The following MAML3 variants were observed in gnomAD, a reference collection of about 807,000 sequenced individuals.
MAML3 encodes the protein mastermind-like protein 3.
In MAML3, 27 loss-of-function variants were observed where a neutral mutation model predicts 101.9. The ratio of observed to expected loss-of-function variants is 0.27; its 90% CI spans 0.20 to 0.37. MAML3 has a LOEUF of 0.37. MAML3 is among the 10% of genes least tolerant of loss of function. The pLI, the probability that MAML3 is intolerant of heterozygous loss-of-function variation, is 1.00. For synonymous variants in MAML3, 501 were observed against 555.9 expected (o/e 0.90, Z 1.39); for missense variants, 1,316 against 1,444.9 (o/e 0.91, Z 1.45).
At chr4:140,059,360 G>A (rs909404995) in intron 1 of MAML3, among the ~76,000 whole-genome samples, 8 of 152,166 alleles carry the variant, frequency 5.3e-5, no homozygotes, top group Non-Finnish European at 8.8e-5. Flanking sequence ...CAGGGAGGGT[G>A]TTCCTTTCCC....
chr4:139,722,126 A>C (rs568318896), intron 4 of MAML3, among the ~76,000 whole-genome samples: 1 of 152,338 alleles, frequency 6.6e-6, no homozygotes, highest in Non-Finnish European at 1.5e-5. Context: ...ACTGTCTGGA[A>C]TAATTTTGTG....
intron 1 of MAML3, among the ~76,000 whole-genome samples, chr4:140,132,609 A>G (rs1728814172): frequency 6.6e-6 from 1 of 152,226 alleles, no homozygotes; most frequent in African/African-American, 2.4e-5. Context: ...AGAGTTGGCG[A>G]CCACTTTAAA....
intron 1 of MAML3, among the ~76,000 whole-genome samples, chr4:140,117,168 C>T (rs1026311079): frequency 6.6e-6 from 1 of 152,134 alleles, no homozygotes; most frequent in Non-Finnish European, 1.5e-5. Context: ...TTATTACAAG[C>T]AAAATCCTAA....
intron 1 of MAML3, among the ~76,000 whole-genome samples, chr4:139,902,974 C>G (rs1182892721): frequency 2.6e-5 from 4 of 152,194 alleles, no homozygotes; most frequent in African/African-American, 9.7e-5. Context: ...CCACAGACCT[C>G]TTCCAGTCCT....
intron 1 of MAML3, among the ~76,000 whole-genome samples, chr4:140,102,467 G>A (rs2110998142): frequency 6.6e-6 from 1 of 152,324 alleles, no homozygotes; most frequent in East Asian, 1.9e-4. Flanking sequence ...CTTGCAGATG[G>A]CCGCCTCCTA....
intron 1 of MAML3, among the ~76,000 whole-genome samples, chr4:139,934,858 A>C (rs547824293): frequency 6.6e-6 from 1 of 152,332 alleles, no homozygotes; most frequent in South Asian, 2.1e-4. Flanking sequence ...CTTTTTGCAG[A>C]GAGAAAATAA....
chr4:140,005,646 C>T (rs1726430511), intron 1 of MAML3, among the ~76,000 whole-genome samples: 1 of 152,214 alleles, frequency 6.6e-6, no homozygotes. Context: ...TACCCATCCT[C>T]CATCCTCCCA....
intron 2 of MAML3, among the ~76,000 whole-genome samples, chr4:139,784,582 G>A (rs896690696): frequency 3.3e-5 from 5 of 152,158 alleles, no homozygotes; most frequent in African/African-American, 1.2e-4. Context: ...GCGTGTGTGG[G>A]TCGCCTTTCT....
Position 139,870,222 on chromosome 4 carries a change from T to C in MAML3, c.2079+19135A>G, listed in dbSNP as rs548439108. ...GTTGTGCAGAGACTGTCCTGTACAT[T>C]GTAGGATATTTAGCAGCATCTCTGC... On this transcript the variant is annotated intron_variant, in intron 2 of 4. Transcript: ENST00000509479. Among the ~76,000 whole-genome samples the C allele has an allele frequency of 6.1e-4, 93 of 152,306 alleles. 1 individual carries two copies. Among genetic ancestry groups the C allele is most frequent in the African/African-American group, 2.2e-3 (91 of 41,552 alleles).
At chr4:139,922,583 A>G (rs1430276756) in intron 1 of MAML3, among the ~76,000 whole-genome samples, 2 of 152,250 alleles carry the variant, frequency 1.3e-5, no homozygotes, top group African/African-American at 4.8e-5. Context: ...AGAAGTTAGA[A>G]AAGTGAATCA....
intron 2 of MAML3, among the ~76,000 whole-genome samples, chr4:139,837,543 T>C (rs531777836): frequency 3.0e-4 from 45 of 151,836 alleles, no homozygotes; most frequent in African/African-American, 8.5e-4. Flanking sequence ...CAAAATCACT[T>C]TTACCGCAAG....
chr4:139,850,939 A>T (rs923717180), intron 2 of MAML3, among the ~76,000 whole-genome samples: 28 of 152,082 alleles, frequency 1.8e-4, no homozygotes, highest in Non-Finnish European at 5.9e-5. Flanking sequence ...CCTCTACCAA[A>T]ATGTAAGATA....
At chr4:139,931,499 T>TA (rs1207684166) in intron 1 of MAML3, among the ~76,000 whole-genome samples, 2 of 152,218 alleles carry the variant, frequency 1.3e-5, no homozygotes, top group Admixed American at 1.3e-4. Flanking sequence ...ATTAGGTTTT[T>TA]ATGCTTTAAT....
At chr4:139,808,961 TGA>T (rs759262930) in intron 2 of MAML3, among the ~76,000 whole-genome samples, 1 of 152,064 alleles carries the variant, frequency 6.6e-6, no homozygotes, top group East Asian at 1.9e-4. Context: ...TGTGTGTTTA[TGA>T]GAGAGAGAAA....
intron 1 of MAML3, among the ~76,000 whole-genome samples, chr4:140,126,890 C>T (rs1342713039): frequency 6.6e-6 from 1 of 152,176 alleles, no homozygotes; most frequent in African/African-American, 2.4e-5. Context: ...CAATGGACTC[C>T]TTAATATATT....
chr4:139,871,950 T>C (rs1322524133), intron 2 of MAML3, among the ~76,000 whole-genome samples: 1 of 152,226 alleles, frequency 6.6e-6, no homozygotes, highest in African/African-American at 2.4e-5. Context: ...TTTTATTTAT[T>C]TATTTTAGTT....
intron 2 of MAML3, among the ~76,000 whole-genome samples, chr4:139,773,610 C>T (rs55905093): frequency 0.053 from 8,103 of 152,080 alleles, 265 homozygotes; most frequent in Middle Eastern, 0.13. Flanking sequence ...AAAGGCTCAG[C>T]GTAAATGGGT....
intron 2 of MAML3, among the ~76,000 whole-genome samples, chr4:139,807,285 T>TTG (rs35966760): frequency 0.39 from 58,737 of 150,840 alleles, 11,485 homozygotes; most frequent in Admixed American, 0.43. Context: ...CGCTATTATT[T>TTG]TGTGTGTGTG....
chr4:140,119,339 T>C (rs549075396), intron 1 of MAML3, among the ~76,000 whole-genome samples: 365 of 152,314 alleles, frequency 2.4e-3, no homozygotes, highest in Non-Finnish European at 4.1e-3. Flanking sequence ...GGAACCCAGA[T>C]TCAGCCATTA....
Sources: gnomAD v4.1 joint callset for allele counts (sites outside exome capture counted in the v4.1 genomes callset) on GRCh38, gnomAD v4.1.1 for gene constraint, MANE v1.5 for transcripts, NCBI Gene and HGNC (gene_info 2026-07-23, HGNC 2026-07-21) for gene names.